Variants in ABCA12 observed in about 807,000 individuals in gnomAD.
ABCA12 encodes the protein glucosylceramide transporter ABCA12.
A neutral mutation model predicts 293.5 loss-of-function variants in ABCA12; 156 were observed. That is an observed-to-expected ratio of 0.53 (90% CI 0.47 to 0.61). ABCA12 has a LOEUF of 0.61. Ranked by LOEUF, ABCA12 falls within the 20% of genes least tolerant of loss-of-function variation. ABCA12 has a pLI of 0.00. For missense variants in ABCA12, 2,797 were observed against 3,090.2 expected, an observed-to-expected ratio of 0.91 and a Z score of 2.25; for synonymous variants, 1,063 against 1,108.0, an observed-to-expected ratio of 0.96 and a Z score of 0.81.
intron 1 of ABCA12, among the ~76,000 whole-genome samples, chr2:215,134,907 C>T (rs1286550461): frequency 6.6e-6 from 1 of 151,928 alleles, no homozygotes; most frequent in Non-Finnish European, 1.5e-5. Flanking sequence ...CTTGGCCTCT[C>T]AAAGGATTAT....
intron 3 of ABCA12, among the ~76,000 whole-genome samples, chr2:215,059,438 T>C (rs1215705196): frequency 6.6e-6 from 1 of 152,102 alleles, no homozygotes; most frequent in Admixed American, 6.6e-5. Context: ...ACTTCAGCTA[T>C]GGATATCTGT....
chr2:215,058,977 T>A (rs1192843933), intron 3 of ABCA12, among the ~76,000 whole-genome samples: 1 of 152,064 alleles, frequency 6.6e-6, no homozygotes, highest in African/African-American at 2.4e-5. Context: ...GTCTTTTTCC[T>A]ATGAGTAGGA....
rs557206499 is a variant in ABCA12 at position 215,018,899 on chromosome 2, C to T, written c.1657+437G>A. Among the ~76,000 whole-genome samples, 4 of 152,168 alleles carry T rather than the reference C, an allele frequency of 2.6e-5. No individual in the cohort carries two copies. The South Asian group carries it at 6.2e-4, about 24-fold the overall frequency. On this transcript the variant is annotated intron_variant, in intron 13 of 52. Transcript: ENST00000272895. ...ATTGAGGAATTATGCAAAGAAGAAA[C>T]GTATTGCATGATACCTCATGCTTGG...
At chr2:215,051,545 T>C (rs1415670293) in intron 5 of ABCA12, among the ~76,000 whole-genome samples, 1 of 151,572 alleles carries the variant, frequency 6.6e-6, no homozygotes, top group East Asian at 1.9e-4. Flanking sequence ...GTTAAAGACA[T>C]GTCTCATGAT....
At chr2:214,951,740 G>A (rs945351457) in intron 44 of ABCA12, among the ~76,000 whole-genome samples, 3 of 152,192 alleles carry the variant, frequency 2.0e-5, no homozygotes, top group African/African-American at 7.2e-5. Context: ...CTGGGCGACA[G>A]AGCAAGACTC....
intron 15 of ABCA12, among the ~76,000 whole-genome samples, chr2:215,012,561 T>A (rs564414443): frequency 2.0e-5 from 3 of 152,298 alleles, no homozygotes; most frequent in African/African-American, 7.2e-5. Context: ...ATGATTCAAT[T>A]TATATGTAAT....
intron 2 of ABCA12, among the ~76,000 whole-genome samples, chr2:215,085,267 T>C (rs1046613335): frequency 2.0e-5 from 3 of 152,174 alleles, no homozygotes; most frequent in Non-Finnish European, 4.4e-5. Context: ...CTGTTTTAAA[T>C]GTTAACTGAA....
rs1303292137 is a variant in ABCA12 at position 215,015,646 on chromosome 2, G to A, written c.1800C>T (p.Phe600=). 1.2e-6 allele frequency: 2 copies of A among 1,613,834 alleles called. No individual in the cohort carries two copies. The highest frequency in any genetic ancestry group is 1.3e-5 in the African/African-American group (1 of 74,912). The change falls in exon 15 of 53, where the codon TTC becomes TTT. Residue 600 remains phenylalanine, a synonymous_variant. Transcript: ENST00000272895. ...TATTAGTATCACAGGAATGCAGCCAGAACACCTGAGAAATAATCTGCAAAT... is the reference window on the plus strand; with the variant it reads ...TATTAGTATCACAGGAATGCAGCCAAAACACCTGAGAAATAATCTGCAAAT... The part of the protein sequence containing the change: ...DNRAEIISQV[F]WLHSCDTNIT...
rs564785491 is a variant in ABCA12 at position 214,938,792 on chromosome 2, C to T, written c.7437-1177G>A. Among the ~76,000 whole-genome samples the T allele has an allele frequency of 2.6e-5, 4 of 152,236 alleles. No homozygotes were observed. The South Asian group carries it at 8.3e-4, about 32-fold the overall frequency. ...AGTGTCTGTTCATATCCTTTGACCA[C>T]TTTTTGATGGGTTTTTTTTGTTTCT... is the stretch of plus-strand genomic sequence containing the variant. On this transcript the variant is annotated intron_variant, in intron 50 of 52. Coordinates refer to ENST00000272895, the MANE Select transcript of ABCA12 (RefSeq NM_173076.3).
intron 1 of ABCA12, among the ~76,000 whole-genome samples, chr2:215,119,734 T>TAAAAAAA (rs386654995): frequency 7.9e-5 from 6 of 75,542 alleles, no homozygotes; most frequent in Non-Finnish European, 9.9e-5. Context: ...CATTAAAAAG[T>TAAAAAAA]AAAAAAAAAA....
chr2:215,127,919 T>G (rs1467960755), intron 1 of ABCA12, among the ~76,000 whole-genome samples: 1 of 152,172 alleles, frequency 6.6e-6, no homozygotes, highest in Non-Finnish European at 1.5e-5. Flanking sequence ...TTTAAAGAGG[T>G]TCTGTTTTGA....
chr2:215,123,143 A>G (rs1302872865), intron 1 of ABCA12, among the ~76,000 whole-genome samples: 2 of 152,062 alleles, frequency 1.3e-5, no homozygotes, highest in East Asian at 1.9e-4. Flanking sequence ...GTAGTATTCC[A>G]TGGTGCTTAT....
At chr2:215,040,758 G>A (rs1701082915) in intron 7 of ABCA12, among the ~76,000 whole-genome samples, 1 of 152,168 alleles carries the variant, frequency 6.6e-6, no homozygotes. Context: ...GTTGCAGTGA[G>A]CTGAGATCAT....
At chr2:215,084,865 G>A (rs895399398) in intron 2 of ABCA12, among the ~76,000 whole-genome samples, 3 of 151,876 alleles carry the variant, frequency 2.0e-5, no homozygotes, top group African/African-American at 4.8e-5. Flanking sequence ...AGGCCGAGTC[G>A]GGCAGGTCAC....
intron 19 of ABCA12, 68 bp downstream of exon 19, chr2:215,007,659 A>G (rs1243138980): frequency 3.8e-6 from 6 of 1,594,012 alleles, no homozygotes; most frequent in Non-Finnish European, 3.4e-6. Context: ...CCGTTCACAT[A>G]TTGAAGGCAA....
chr2:215,104,995 A>G (rs1341886443), intron 2 of ABCA12, among the ~76,000 whole-genome samples: 4 of 152,020 alleles, frequency 2.6e-5, no homozygotes, highest in African/African-American at 9.7e-5. Flanking sequence ...ACTCACATTG[A>G]GTTTTTTTTA....
At chr2:215,054,518 G>C (rs1382320574) in intron 4 of ABCA12, 55 bp downstream of exon 4, 18 of 1,379,732 alleles carry the variant, frequency 1.3e-5, no homozygotes, top group Non-Finnish European at 1.8e-5. Context: ...TCAAAGATTA[G>C]ACCTTTACTG....
At chr2:214,973,843 TA>T in intron 36 of ABCA12, 105 bp downstream of exon 36, 1 of 979,494 alleles carries the variant, frequency 1.0e-6, no homozygotes, top group Non-Finnish European at 1.6e-6. Context: ...CTAGCTTCCA[TA>T]AAATGAACTT....
chr2:215,018,025 G>T lies in ABCA12; in HGVS notation c.1765C>A (p.Pro589Thr), dbSNP rs148979792. 14,601 of 1,614,056 alleles carry T rather than the reference G, an allele frequency of 9.0e-3. 90 individuals are homozygous for T. Among genetic ancestry groups the T allele is most frequent in the Admixed American group, 0.012 (715 of 60,018 alleles). ...TIDKLLAIPI[P>T]DNRAEIISQV... Reference sequence around the variant, plus strand: ...CACCCCACCTCAGCTCTATTATCAGGGATGGGAATGGCCAGCAACTTGTCA... The same window carrying T: ...CACCCCACCTCAGCTCTATTATCAGTGATGGGAATGGCCAGCAACTTGTCA... Residue 589 changes from proline (P) to threonine (T), a missense_variant, in exon 14 of 53, where the codon CCT (proline) becomes ACT (threonine). Around this residue, in one of 3 missense-constraint regions of ABCA12, gnomAD observed 2,130 missense variants for 2,427.0 expected, o/e 0.88. Coordinates refer to ENST00000272895, the MANE Select transcript of ABCA12 (RefSeq NM_173076.3).
Sources: allele counts gnomAD v4.1 joint callset (sites outside exome capture counted in the v4.1 genomes callset), GRCh38; gene constraint gnomAD v4.1.1; regional missense constraint gnomAD v4.1.1; transcripts MANE v1.5; gene names NCBI Gene and HGNC (gene_info 2026-07-23, HGNC 2026-07-21).